BRCA1: variants seen among roughly 807,000 people sequenced by gnomAD.
BRCA1 encodes the protein breast cancer type 1 susceptibility protein.
A neutral mutation model predicts 173.7 loss-of-function variants in BRCA1; 140 were observed. The observed-to-expected ratio is 0.81, with a 90% confidence interval of 0.70 to 0.93. The LOEUF (loss-of-function observed/expected upper bound fraction) is 0.93, where lower values mean the gene tolerates loss of function less well. Ranked by LOEUF, BRCA1 falls within the 40% of genes least tolerant of loss-of-function variation. BRCA1 has a pLI of 0.00. For missense variants in BRCA1, 1,983 were observed against 2,172.5 expected, an observed-to-expected ratio of 0.91 and a Z score of 1.73; for synonymous variants, 662 against 756.0, an observed-to-expected ratio of 0.88 and a Z score of 2.04.
At chr17:43,112,255 A>G (rs1383595598) in intron 3 of BRCA1, among the ~76,000 whole-genome samples, 1 of 152,054 alleles carries the variant, frequency 6.6e-6, no homozygotes, top group Non-Finnish European at 1.5e-5. Flanking sequence ...ATACCCAGCT[A>G]ATTTTTGTAT....
At chr17:43,049,531 C>CTT (rs2051117939) in intron 20 of BRCA1, among the ~76,000 whole-genome samples, 2 of 152,122 alleles carry the variant, frequency 1.3e-5, no homozygotes, top group African/African-American at 4.8e-5. Flanking sequence ...TGTGAAAAAA[C>CTT]ACCCACCTTC....
intron 11 of BRCA1, among the ~76,000 whole-genome samples, chr17:43,082,937 A>G (rs778281470): frequency 6.4e-4 from 97 of 152,332 alleles, no homozygotes; most frequent in Non-Finnish European, 1.1e-3. Context: ...CATTTTATTT[A>G]TATGGGCACA....
chr17:43,075,045 G>C (rs2052649131), intron 13 of BRCA1, among the ~76,000 whole-genome samples: 1 of 147,580 alleles, frequency 6.8e-6, no homozygotes, highest in African/African-American at 2.5e-5. Context: ...GGAAGGAAGG[G>C]AGGGAAAGGA....
chr17:43,100,641 T>C (rs1241813511), intron 6 of BRCA1, among the ~76,000 whole-genome samples: 2,196 of 64,854 alleles, frequency 0.034, 180 homozygotes, highest in Non-Finnish European at 0.049. Flanking sequence ...GTTATATATA[T>C]ATAACATATA....
At chr17:43,147,382 G>A (rs1476511336) in intron 1 of BRCA1, among the ~76,000 whole-genome samples, 58 of 152,272 alleles carry the variant, frequency 3.8e-4, no homozygotes, top group Non-Finnish European at 8.8e-5. Flanking sequence ...GTAGAGACGG[G>A]GTTTCACTGT....
In BRCA1 at chr17:43,103,997, C is replaced by T. The variant is rs990188674; in HGVS notation, c.441+125G>A. ...TGGCGCGTGCCTGTAATCCCAGCTACTAAGGGGGCTAAGGCAGGAGGACTG... is the reference window on the plus strand; with the variant it reads ...TGGCGCGTGCCTGTAATCCCAGCTATTAAGGGGGCTAAGGCAGGAGGACTG... On this transcript the variant is annotated intron_variant, in intron 6 of 22. Transcript: ENST00000357654. 6.4e-6 allele frequency: 8 copies of T among 1,250,172 alleles called. No individual in the cohort carries two copies. In the African/African-American group the frequency reaches 1.2e-4, roughly 19 times the overall value. 77.4% of individuals were successfully genotyped at this position (1,250,172 alleles called of 1,614,324 possible).
intron 2 of BRCA1, among the ~76,000 whole-genome samples, chr17:43,118,867 G>C (rs2055417511): frequency 4.0e-5 from 6 of 151,544 alleles, no homozygotes. Context: ...GGATTGAAGT[G>C]ATTCTTGTGC....
At chr17:43,145,824 CTT>C (rs917949084) in intron 1 of BRCA1, among the ~76,000 whole-genome samples, 2 of 151,754 alleles carry the variant, frequency 1.3e-5, no homozygotes, top group Non-Finnish European at 2.9e-5. Context: ...TTATGGGAGA[CTT>C]TGACAGTCTC....
intron 8 of BRCA1, among the ~76,000 whole-genome samples, chr17:43,096,148 G>A (rs1027735121): frequency 1.3e-5 from 2 of 151,920 alleles, no homozygotes; most frequent in African/African-American, 2.4e-5. Flanking sequence ...AGGCTGAGGC[G>A]GGTGGACCAC....
chr17:43,080,636 C>G (rs2154123393), intron 12 of BRCA1, among the ~76,000 whole-genome samples: 1 of 151,950 alleles, frequency 6.6e-6, no homozygotes, highest in East Asian at 1.9e-4. Context: ...GAGACCTTGT[C>G]TCTACAAAAA....
intron 1 of BRCA1, among the ~76,000 whole-genome samples, chr17:43,146,086 TTTGTTA>T (rs1363394472): frequency 5.3e-5 from 8 of 152,114 alleles, no homozygotes; most frequent in African/African-American, 1.9e-4. Context: ...TCCTAATAAC[TTTGTTA>T]TTGTGAAGTG....
rs1555587781 is a variant in BRCA1, at chr17:43,092,125, GCTGTT to G, written c.3401_3405del (p.Glu1134AlafsTer5). ...TGAGATGCATGACTACTTCCCATAG[GCTGTT>G]CTAAGTTATCTGAAATCAGATATGG... is the stretch of plus-strand genomic sequence containing the variant. On this transcript the variant is annotated frameshift_variant, in exon 10 of 23. Coordinates refer to ENST00000357654, the MANE Select transcript of BRCA1 (RefSeq NM_007294.4). LOFTEE classifies it high-confidence loss of function. 6.2e-7 allele frequency: 1 copy of G among 1,613,606 alleles called. No homozygotes were observed. The highest frequency in any genetic ancestry group is 1.1e-5 in the South Asian group (1 of 91,072).
At chr17:43,047,441 C>CA (rs2050962232) in intron 22 of BRCA1, among the ~76,000 whole-genome samples, 2 of 152,158 alleles carry the variant, frequency 1.3e-5, no homozygotes, top group South Asian at 4.2e-4. Context: ...ATCTTACTCC[C>CA]ACCCCATGGA....
intron 12 of BRCA1, among the ~76,000 whole-genome samples, chr17:43,077,685 T>C (rs1695024015): frequency 6.6e-6 from 1 of 152,032 alleles, no homozygotes; most frequent in Admixed American, 6.6e-5. Context: ...TTTGTGCCAC[T>C]GCCTTCTAGG....
rs8176249 is a variant in BRCA1, at chr17:43,065,084, C to G, written c.5075-1133G>C. Reference sequence around the variant, plus strand: ...TGACCTCGTGATCTGCCCGCCTTGGCCCCCCAAAGCGCTGGGATTACAGGC... The same window carrying G: ...TGACCTCGTGATCTGCCCGCCTTGGGCCCCCAAAGCGCTGGGATTACAGGC... On this transcript the variant is annotated intron_variant, in intron 16 of 22. Coordinates refer to ENST00000357654, the MANE Select transcript of BRCA1 (RefSeq NM_007294.4). 2.1e-3 allele frequency among the ~76,000 whole-genome samples: 319 copies of G among 152,016 alleles called. 1 individual carries two copies. The highest frequency in any genetic ancestry group is 7.5e-3 in the African/African-American group (308 of 41,340).
At chr17:43,065,098 G>C (rs911573581) in intron 16 of BRCA1, among the ~76,000 whole-genome samples, 1 of 152,104 alleles carries the variant, frequency 6.6e-6, no homozygotes, top group Non-Finnish European at 1.5e-5. Context: ...CCAAAGCGCT[G>C]GGATTACAGG....
rs80357088 is a variant in BRCA1 at position 43,095,855 on chromosome 17, C to T, written c.661G>A (p.Ala221Thr). 2 of 1,613,144 alleles carry T rather than the reference C, an allele frequency of 1.2e-6. No homozygotes were observed. Among genetic ancestry groups the T allele is most frequent in the East Asian group, 4.5e-5 (2 of 44,856 alleles). ...CAAACTTTGCCATTACCCTTTTTTG[C>T]AGAATCCAAACTGATTTCATCCCTG... ...GTRDEISLDS[A>T]KKAACEFSET... The change falls in exon 9 of 23, where the codon GCA becomes ACA. Residue 221 changes from alanine (A) to threonine (T), a missense_variant. Ala to Thr is a moderately conservative substitution (Grantham distance 58). Transcript: ENST00000357654.
upstream of BRCA1, among the ~76,000 whole-genome samples, chr17:43,128,676 A>G (rs916533550): frequency 6.6e-6 from 1 of 152,186 alleles, no homozygotes; most frequent in Non-Finnish European, 1.5e-5. Context: ...TCTGCAAGTT[A>G]AAAAATGACA....
chr17:43,053,507 A>C (rs953125666), intron 19 of BRCA1, among the ~76,000 whole-genome samples: 8 of 152,002 alleles, frequency 5.3e-5, no homozygotes, highest in African/African-American at 1.9e-4. Context: ...CTAAAAATAC[A>C]AAAAATTAGC....
Sources: gnomAD v4.1 joint callset for allele counts (sites outside exome capture counted in the v4.1 genomes callset) on GRCh38, gnomAD v4.1.1 for gene constraint, MANE v1.5 for transcripts, NCBI Gene and HGNC (gene_info 2026-07-23, HGNC 2026-07-21) for gene names.